WDR49: variants seen among roughly 807,000 people sequenced by gnomAD.
WDR49 encodes WD repeat domain 49, also known as cilia- and flagella-associated protein 337.
A neutral mutation model predicts 119.5 loss-of-function variants in WDR49; 107 were observed. The ratio of observed to expected loss-of-function variants is 0.90; its 90% CI spans 0.77 to 1.05. The LOEUF (loss-of-function observed/expected upper bound fraction) is 1.05. Among genes scored for constraint, WDR49 ranks in the 50% least tolerant of loss-of-function variants. The pLI is 0.00. For missense variants in WDR49, 1,240 were observed against 1,220.5 expected (o/e 1.02, Z -0.24); for synonymous variants, 425 against 418.8 (o/e 1.01, Z -0.18).
At chr3:167,519,079 C>T (rs1337981754) in intron 16 of WDR49, among the ~76,000 whole-genome samples, 2 of 152,040 alleles carry the variant, frequency 1.3e-5, no homozygotes, top group Admixed American at 6.5e-5. Context: ...AGTGAGATAC[C>T]ATCTCATGCC....
chr3:167,518,101 T>C (rs1752289835), intron 16 of WDR49, among the ~76,000 whole-genome samples: 1 of 152,060 alleles, frequency 6.6e-6, no homozygotes, highest in Non-Finnish European at 1.5e-5. Flanking sequence ...CCATGGTGTA[T>C]ATGTGCCACA....
At chr3:167,611,237 GTGTT>G (rs1272418605) in intron 5 of WDR49, among the ~76,000 whole-genome samples, 1 of 152,112 alleles carries the variant, frequency 6.6e-6, no homozygotes, top group African/African-American at 2.4e-5. Flanking sequence ...AGTTTGCTTT[GTGTT>G]TGTTTATGCA....
intron 9 of WDR49, among the ~76,000 whole-genome samples, chr3:167,557,672 G>A (rs1270572360): frequency 6.6e-6 from 1 of 150,944 alleles, no homozygotes; most frequent in Non-Finnish European, 1.5e-5. Flanking sequence ...AGAATGGTGT[G>A]AACCTGGGAG....
intron 8 of WDR49, among the ~76,000 whole-genome samples, chr3:167,561,002 T>C (rs1577240765): frequency 7.5e-6 from 1 of 133,502 alleles, no homozygotes; most frequent in African/African-American, 2.9e-5. Context: ...ACCAAAATAA[T>C]GAAAGAAAAA....
At chr3:167,492,875 G>A (rs1455341740) in intron 18 of WDR49, among the ~76,000 whole-genome samples, 2 of 143,376 alleles carry the variant, frequency 1.4e-5, no homozygotes, top group Non-Finnish European at 3.0e-5. Flanking sequence ...GTATAAAACT[G>A]TAATTTTGAA....
chr3:167,554,845 T>C (rs780592630), intron 9 of WDR49, 47 bp from the exon 10 acceptor site: 3 of 1,358,658 alleles, frequency 2.2e-6, no homozygotes, highest in South Asian at 1.3e-5. Flanking sequence ...AGGTAAACTT[T>C]TTATATTCTG....
chr3:167,540,450 C>T (rs1304951236), intron 10 of WDR49, among the ~76,000 whole-genome samples: 2 of 152,068 alleles, frequency 1.3e-5, no homozygotes, highest in African/African-American at 4.8e-5. Context: ...ACAATCACTC[C>T]AGTCTGGCTC....
At chr3:167,550,707 A>G (rs1249571594) in intron 10 of WDR49, among the ~76,000 whole-genome samples, 1 of 151,462 alleles carries the variant, frequency 6.6e-6, no homozygotes, top group Non-Finnish European at 1.5e-5. Flanking sequence ...AGAGGGAAAA[A>G]CACAGAGATT....
chr3:167,632,831 T>C (rs1717433878), intron 2 of WDR49, among the ~76,000 whole-genome samples: 1 of 152,010 alleles, frequency 6.6e-6, no homozygotes, highest in African/African-American at 2.4e-5. Context: ...TGTGTGGTAG[T>C]GAAGAAGGTG....
chr3:167,537,414 G>GA (rs1711530673), intron 10 of WDR49, among the ~76,000 whole-genome samples: 1 of 151,748 alleles, frequency 6.6e-6, no homozygotes, highest in African/African-American at 2.4e-5. Context: ...AGTCAATAAG[G>GA]GTTTTTTTTC....
Position 167,478,695 on chromosome 3 carries a change from ATTTAT to A in WDR49, c.*178_*182del, listed in dbSNP as rs1336969845. 1 of 390,372 alleles carries A rather than the reference ATTTAT, an allele frequency of 2.6e-6. No individual in the cohort carries two copies. The highest frequency in any genetic ancestry group is 4.5e-6 in the Non-Finnish European group (1 of 222,588). 24.2% of individuals were successfully genotyped at this position (390,372 alleles called of 1,614,324 possible). A position where few individuals can be genotyped will look rare whatever the true frequency, so the allele number is the denominator to read the frequency against. On this transcript the variant is annotated 3_prime_UTR_variant, in exon 19 of 19. Transcript: ENST00000682715. ...GATGTTGCTCCCACTTTAGTTCAAT[ATTTAT>A]TTTATTAAGAATACAGAGAAATTGA...
intron 2 of WDR49, among the ~76,000 whole-genome samples, chr3:167,629,910 A>G (rs1367060147): frequency 6.6e-6 from 1 of 152,134 alleles, no homozygotes; most frequent in African/African-American, 2.4e-5. Context: ...GTTGCTTCTT[A>G]TAGATGAGCA....
chr3:167,596,886 A>C (rs1303957265), intron 7 of WDR49, among the ~76,000 whole-genome samples: 1 of 149,972 alleles, frequency 6.7e-6, no homozygotes, highest in Non-Finnish European at 1.5e-5. Flanking sequence ...ATAAATAAAT[A>C]AATAAATAAA....
chr3:167,485,700 C>T (rs1308045728), intron 18 of WDR49, among the ~76,000 whole-genome samples: 1 of 151,974 alleles, frequency 6.6e-6, no homozygotes, highest in Non-Finnish European at 1.5e-5. Context: ...TCAACTCAGT[C>T]AGACAAAAAT....
chr3:167,636,036 G>T (rs1385116079), intron 2 of WDR49, among the ~76,000 whole-genome samples: 1 of 151,598 alleles, frequency 6.6e-6, no homozygotes, highest in Non-Finnish European at 1.5e-5. Context: ...TTTTAGTGGT[G>T]ATTTGTGAGA....
intron 7 of WDR49, among the ~76,000 whole-genome samples, chr3:167,592,023 T>C (rs1715140497): frequency 6.6e-6 from 1 of 152,192 alleles, no homozygotes; most frequent in Non-Finnish European, 1.5e-5. Context: ...TCACTGGTCA[T>C]ATGATTTAGT....
intron 2 of WDR49, among the ~76,000 whole-genome samples, chr3:167,632,387 T>A (rs1400367937): frequency 6.6e-6 from 1 of 152,048 alleles, no homozygotes; most frequent in Non-Finnish European, 1.5e-5. Flanking sequence ...AATACCAATA[T>A]CCACTGGGGA....
Position 167,478,887 on chromosome 3 carries a change from AT to A in WDR49, c.3140del (p.Asn1047IlefsTer14). ...GGTTTTTCTGTTGTAATTACTTCTT[AT>A]TTTTCTTCACTTCACAACTTTTTTC... ...CQEKSCEVKKNKK is the reference protein window; with the variant it reads ...CQEKSCEVKKXKK On this transcript the variant is annotated frameshift_variant, in exon 19 of 19. Transcript: ENST00000682715. LOFTEE classifies it high-confidence loss of function. 6.2e-7 allele frequency: 1 copy of A among 1,602,224 alleles called. No homozygotes were observed. Among genetic ancestry groups the A allele is most frequent in the Non-Finnish European group, 8.5e-7 (1 of 1,175,898 alleles).
rs149584404 is a variant in WDR49, at chr3:167,500,289, C to T, written c.2895G>A (p.Arg965=). The change falls in exon 18 of 19, where the codon AGG becomes AGA. Residue 965 remains arginine, a synonymous_variant. Coordinates refer to ENST00000682715, the MANE Select transcript of WDR49 (RefSeq NM_001366157.1). ...CTTCCAGGGCTCCAATGTTTAATGA[C>T]CTAAATGTACCTTCACAACAGCAGG... ...EVIKKSFSTF[R]SLNIGALEEL... is the part of the protein sequence containing the mutation. 5.0e-6 allele frequency: 8 copies of T among 1,604,214 alleles called. No individual in the cohort carries two copies. The highest frequency in any genetic ancestry group is 6.8e-6 in the Non-Finnish European group (8 of 1,176,896).
Sources: allele counts gnomAD v4.1 joint callset (sites outside exome capture counted in the v4.1 genomes callset), GRCh38; gene constraint gnomAD v4.1.1; transcripts MANE v1.5; gene names NCBI Gene and HGNC (gene_info 2026-07-23, HGNC 2026-07-21).